Variants in CDIN1 observed in about 807,000 individuals in gnomAD.
CDIN1 encodes the protein CDAN1-interacting nuclease 1.
A neutral mutation model predicts 45.3 loss-of-function variants in CDIN1; 33 were observed. The observed-to-expected ratio is 0.73, with a 90% CI of 0.55 to 0.97. The LOEUF is 0.97. Among genes scored for constraint, CDIN1 ranks in the 50% least tolerant of loss-of-function variants. The probability of loss-of-function intolerance (pLI) is 0.00; values close to 1 mark genes in which losing one functional copy is unlikely to be tolerated. For synonymous variants in CDIN1, 118 were observed against 124.4 expected, an observed-to-expected ratio of 0.95 and a Z score of 0.34; for missense variants, 303 against 339.4, an observed-to-expected ratio of 0.89 and a Z score of 0.84.
chr15:36,757,215 C>T (rs928918022), intron 10 of CDIN1, among the ~76,000 whole-genome samples: 1 of 152,044 alleles, frequency 6.6e-6, no homozygotes, highest in Admixed American at 6.6e-5. Context: ...TGTTTTACGT[C>T]GTGGGAATAA....
chr15:36,760,050 G>GT (rs1259480419), intron 10 of CDIN1, among the ~76,000 whole-genome samples: 1 of 152,114 alleles, frequency 6.6e-6, no homozygotes, highest in Non-Finnish European at 1.5e-5. Context: ...GTACTTATGT[G>GT]TTTTTTACCT....
intron 10 of CDIN1, among the ~76,000 whole-genome samples, chr15:36,712,042 T>C (rs753921946): frequency 6.6e-5 from 10 of 152,118 alleles, no homozygotes; most frequent in Non-Finnish European, 1.2e-4. Flanking sequence ...CATATAACTT[T>C]AGCAGCTTCT....
intron 5 of CDIN1, among the ~76,000 whole-genome samples, chr15:36,664,793 G>A (rs185817973): frequency 1.2e-3 from 176 of 152,246 alleles, no homozygotes; most frequent in Middle Eastern, 6.8e-3. Context: ...TGATCCGCCC[G>A]CCTTGGCCTC....
chr15:36,689,178 C>T (rs560678073), intron 5 of CDIN1, among the ~76,000 whole-genome samples: 353 of 152,214 alleles, frequency 2.3e-3, no homozygotes, highest in Non-Finnish European at 2.8e-3. Context: ...TACCACTGTT[C>T]TAAAATTTAT....
rs1595427599 is a variant in CDIN1, at chr15:36,653,972, C to G, written c.213-126C>G. 1.7e-5 allele frequency: 11 copies of G among 650,494 alleles called. No individual in the cohort carries two copies. The East Asian group carries it at 3.2e-4, about 19-fold the overall frequency. 40.3% of individuals were successfully genotyped at this position (650,494 alleles called of 1,614,324 possible). A position where few individuals can be genotyped will look rare whatever the true frequency, so the allele number is the denominator to read the frequency against. ...CTTCAGTGCTTTCCTATGAAAGTAG[C>G]TTACTTTAACTAGAGTTGAGCGTGG... On this transcript the variant is annotated intron_variant, in intron 3 of 10. Coordinates refer to ENST00000566621, the MANE Select transcript of CDIN1 (RefSeq NM_001321759.2).
intron 10 of CDIN1, among the ~76,000 whole-genome samples, chr15:36,757,678 ATCT>A (rs1289434451): frequency 6.6e-6 from 1 of 151,982 alleles, no homozygotes; most frequent in African/African-American, 2.4e-5. Flanking sequence ...TAGCAGCCAC[ATCT>A]TCTGCTCCTG....
intron 1 of CDIN1, among the ~76,000 whole-genome samples, chr15:36,602,691 G>T (rs1182330626): frequency 1.3e-5 from 2 of 152,148 alleles, no homozygotes. Context: ...AGATAAGTTG[G>T]GCTGGGCGCA....
intron 1 of CDIN1, among the ~76,000 whole-genome samples, chr15:36,623,699 C>G (rs758207891): frequency 6.6e-6 from 1 of 152,248 alleles, no homozygotes; most frequent in Non-Finnish European, 1.5e-5. Flanking sequence ...ACTCGACTTT[C>G]TGGTCCTGTG....
At chr15:36,663,423 G>A (rs2041102559) in intron 5 of CDIN1, among the ~76,000 whole-genome samples, 1 of 152,126 alleles carries the variant, frequency 6.6e-6, no homozygotes, top group Non-Finnish European at 1.5e-5. Context: ...ATCTCATCTT[G>A]TAGTTCCCCG....
intron 5 of CDIN1, among the ~76,000 whole-genome samples, chr15:36,677,956 G>T (rs1035573807): frequency 3.9e-5 from 6 of 152,174 alleles, no homozygotes; most frequent in African/African-American, 1.4e-4. Context: ...AGTTGCCTGA[G>T]ACAAGGTTCC....
rs370576472 is a variant in CDIN1 at position 36,697,484 on chromosome 15, A to G, written c.544+94A>G. On this transcript the variant is annotated intron_variant, in intron 8 of 10. Transcript: ENST00000566621. ...TCTTCCACTAAAGGAAGAGTGAATG[A>G]TGATTGATGCTGTGCATATTATCTT... 18 of 1,000,544 alleles carry G rather than the reference A, an allele frequency of 1.8e-5. No individual in the cohort carries two copies. In the East Asian group the frequency reaches 2.7e-4, roughly 15 times the overall value. 62.0% of individuals were successfully genotyped at this position (1,000,544 alleles called of 1,614,324 possible).
intron 5 of CDIN1, among the ~76,000 whole-genome samples, chr15:36,665,946 A>G (rs2041232199): frequency 6.6e-6 from 1 of 152,258 alleles, no homozygotes; most frequent in Non-Finnish European, 1.5e-5. Context: ...TGGTGTTTGT[A>G]TGGGATATTG....
intron 1 of CDIN1, among the ~76,000 whole-genome samples, chr15:36,638,770 G>A (rs2039998015): frequency 6.6e-6 from 1 of 152,196 alleles, no homozygotes; most frequent in African/African-American, 2.4e-5. Flanking sequence ...GACCTCCTGT[G>A]CCTTCAATTT....
intron 10 of CDIN1, chr15:36,747,268 C>T: frequency 3.0e-6 from 1 of 329,688 alleles, no homozygotes; most frequent in Non-Finnish European, 5.4e-6. Context: ...TTCTGGGTGA[C>T]AAAATAATTT....
chr15:36,645,971 G>T (rs75838420), intron 3 of CDIN1, among the ~76,000 whole-genome samples: 43 of 139,830 alleles, frequency 3.1e-4, no homozygotes, highest in East Asian at 1.5e-3. Context: ...AAATAGCTCT[G>T]TTTTTTTATT....
chr15:36,794,790 C>G (rs1007171299), intron 10 of CDIN1, among the ~76,000 whole-genome samples: 10 of 152,126 alleles, frequency 6.6e-5, no homozygotes, highest in Non-Finnish European at 1.0e-4. Flanking sequence ...GGCAAGATTT[C>G]AAAATGCTCC....
chr15:36,640,571 G>A, intron 1 of CDIN1: 1 of 961,568 alleles, frequency 1.0e-6, no homozygotes, highest in Non-Finnish European at 1.2e-6. Flanking sequence ...GAGCTTTAAG[G>A]TAAAGGTATT....
At chr15:36,804,113 G>A (rs2055141523) in intron 10 of CDIN1, among the ~76,000 whole-genome samples, 1 of 151,984 alleles carries the variant, frequency 6.6e-6, no homozygotes, top group East Asian at 1.9e-4. Flanking sequence ...GTAGAACAGG[G>A]ATAATAATTG....
chr15:36,746,669 CCACACA>C (rs34320677), intron 10 of CDIN1, among the ~76,000 whole-genome samples: 19 of 141,498 alleles, frequency 1.3e-4, no homozygotes, highest in East Asian at 2.1e-4. Flanking sequence ...ATATATGGTT[CCACACA>C]CACACACACA....
Sources: gnomAD v4.1 joint callset for allele counts (sites outside exome capture counted in the v4.1 genomes callset) on GRCh38, gnomAD v4.1.1 for gene constraint, MANE v1.5 for transcripts, NCBI Gene and HGNC (gene_info 2026-07-23, HGNC 2026-07-21) for gene names.